Variants in KCNQ3 observed in about 807,000 individuals in gnomAD.
KCNQ3 encodes potassium voltage-gated channel subfamily KQT member 3.
In KCNQ3, 30 loss-of-function variants were observed where a neutral mutation model predicts 92.5. The ratio of observed to expected loss-of-function variants is 0.32; its 90% CI spans 0.24 to 0.44. The LOEUF (loss-of-function observed/expected upper bound fraction) is 0.44. KCNQ3 is among the 20% of genes least tolerant of loss of function. The probability of loss-of-function intolerance (pLI) is 1.00; values close to 1 mark genes in which losing one functional copy is unlikely to be tolerated. For missense variants in KCNQ3, 913 were observed against 1,140.3 expected (o/e 0.80, Z 2.87); for synonymous variants, 450 against 468.8 (o/e 0.96, Z 0.52).
chr8:132,434,040 C>G (rs1821321140), intron 1 of KCNQ3, among the ~76,000 whole-genome samples: 1 of 151,868 alleles, frequency 6.6e-6, no homozygotes, highest in African/African-American at 2.4e-5. Flanking sequence ...AACCCCGTCT[C>G]TACTAAAAAT....
chr8:132,244,147 C>G (rs983099165), intron 1 of KCNQ3, among the ~76,000 whole-genome samples: 1 of 152,168 alleles, frequency 6.6e-6, no homozygotes, highest in African/African-American at 2.4e-5. Flanking sequence ...AGTTCTGAAA[C>G]TTTATGATGA....
chr8:132,346,798 C>T (rs936248156), intron 1 of KCNQ3, among the ~76,000 whole-genome samples: 2 of 152,192 alleles, frequency 1.3e-5, no homozygotes, highest in Non-Finnish European at 2.9e-5. Context: ...TCTCACCTCA[C>T]AGCTGTTCCC....
intron 1 of KCNQ3, among the ~76,000 whole-genome samples, chr8:132,241,315 T>C (rs549495425): frequency 1.3e-4 from 20 of 152,320 alleles, no homozygotes; most frequent in African/African-American, 4.8e-4. Flanking sequence ...TTTTCATGTT[T>C]TTGAGTACAA....
intron 9 of KCNQ3, among the ~76,000 whole-genome samples, chr8:132,141,860 GA>G (rs1189676899): frequency 6.6e-6 from 1 of 152,158 alleles, no homozygotes; most frequent in Non-Finnish European, 1.5e-5. Context: ...TTTGGATGGG[GA>G]AAAATACATT....
rs532052931 is a variant in KCNQ3 at position 132,121,758 on chromosome 8, G to C, written c.*7504C>G. On this transcript the variant is annotated 3_prime_UTR_variant, in exon 15 of 15. Coordinates refer to ENST00000388996, the MANE Select transcript of KCNQ3 (RefSeq NM_004519.4). ...AAAAGACCAGAGTCAGCAGAGACGT[G>C]GAGATATTTGAACTTGTTTGGTTAA... 1.2e-4 allele frequency: 18 copies of C among 152,302 alleles called. No individual in the cohort carries two copies. The South Asian group carries it at 1.4e-3, about 12-fold the overall frequency. 9.4% of individuals were successfully genotyped at this position (152,302 alleles called of 1,614,324 possible).
chr8:132,320,025 A>G (rs528923041), intron 1 of KCNQ3, among the ~76,000 whole-genome samples: 29 of 152,346 alleles, frequency 1.9e-4, no homozygotes, highest in Non-Finnish European at 3.5e-4. Context: ...TAAAAAATGA[A>G]TAAATGCTAG....
At chr8:132,463,602 G>A (rs557110399) in intron 1 of KCNQ3, among the ~76,000 whole-genome samples, 1 of 152,282 alleles carries the variant, frequency 6.6e-6, no homozygotes, top group East Asian at 1.9e-4. Flanking sequence ...TGTGGTCTAG[G>A]CAAGTGTTTT....
At chr8:132,338,715 G>T (rs551898551) in intron 1 of KCNQ3, among the ~76,000 whole-genome samples, 19 of 152,294 alleles carry the variant, frequency 1.2e-4, no homozygotes, top group Non-Finnish European at 1.9e-4. Flanking sequence ...GTTAGCAAAT[G>T]ACCTTTCTTG....
At chr8:132,426,965 T>C (rs948607543) in intron 1 of KCNQ3, among the ~76,000 whole-genome samples, 26 of 152,134 alleles carry the variant, frequency 1.7e-4, no homozygotes, top group African/African-American at 6.3e-4. Flanking sequence ...TAGTGGACAG[T>C]AGGGCACAGA....
Position 132,360,846 on chromosome 8 carries a change from G to A in KCNQ3, c.386+119301C>T, listed in dbSNP as rs149453758. 4.7e-3 allele frequency among the ~76,000 whole-genome samples: 722 copies of A among 152,282 alleles called. 5 individuals are homozygous for A. The highest frequency in any genetic ancestry group is 0.016 in the African/African-American group (675 of 41,554). ...AACTTGATATCTTTTGGATGCTTGG[G>A]GTCCAGGCCAGTGCTTGGCACACAG... On this transcript the variant is annotated intron_variant, in intron 1 of 14. Coordinates refer to ENST00000388996, the MANE Select transcript of KCNQ3 (RefSeq NM_004519.4).
At chr8:132,349,001 T>G (rs1174184777) in intron 1 of KCNQ3, among the ~76,000 whole-genome samples, 1 of 152,218 alleles carries the variant, frequency 6.6e-6, no homozygotes, top group Non-Finnish European at 1.5e-5. Context: ...AATCTGACTC[T>G]TTCAGAAAAG....
chr8:132,229,351 C>G (rs1410309805), intron 1 of KCNQ3, among the ~76,000 whole-genome samples: 1 of 152,004 alleles, frequency 6.6e-6, no homozygotes, highest in Non-Finnish European at 1.5e-5. Flanking sequence ...GTTGATGACT[C>G]AACCAAGCCA....
chr8:132,466,727 G>T (rs1822180076), intron 1 of KCNQ3, among the ~76,000 whole-genome samples: 1 of 152,112 alleles, frequency 6.6e-6, no homozygotes, highest in South Asian at 2.1e-4. Flanking sequence ...CATTCCAGGG[G>T]GCAAAATTCG....
In KCNQ3 at chr8:132,248,462, A is replaced by T. The variant is rs1025115091; in HGVS notation, c.387-62281T>A. Among the ~76,000 whole-genome samples, 8 of 152,220 alleles carry T rather than the reference A, an allele frequency of 5.3e-5. No individual in the cohort carries two copies. The East Asian group carries it at 1.5e-3, about 29-fold the overall frequency. On this transcript the variant is annotated intron_variant, in intron 1 of 14. Coordinates refer to ENST00000388996, the MANE Select transcript of KCNQ3 (RefSeq NM_004519.4). ...CATCTCCAGTTGAAAATGAAAAGTGACTAGAGCTCTGCTTCCTTTGTATTA... is the reference window on the plus strand; with the variant it reads ...CATCTCCAGTTGAAAATGAAAAGTGTCTAGAGCTCTGCTTCCTTTGTATTA...
intron 8 of KCNQ3, among the ~76,000 whole-genome samples, chr8:132,167,364 C>T (rs1428825377): frequency 6.6e-6 from 1 of 152,122 alleles, no homozygotes; most frequent in Non-Finnish European, 1.5e-5. Flanking sequence ...GATTGATACC[C>T]CACTTTGTGA....
chr8:132,459,696 T>A (rs1012819874), intron 1 of KCNQ3, among the ~76,000 whole-genome samples: 38 of 152,150 alleles, frequency 2.5e-4, no homozygotes, highest in African/African-American at 8.4e-4. Context: ...CTTGAGGTCG[T>A]GTTTTACAGG....
chr8:132,353,318 AGGGAAGGAAG>A (rs1259204604), intron 1 of KCNQ3, among the ~76,000 whole-genome samples: 1 of 152,066 alleles, frequency 6.6e-6, no homozygotes, highest in Admixed American at 6.6e-5. Context: ...AGGGAAAGGA[AGGGAAGGAAG>A]GGGAAGGGAG....
intron 1 of KCNQ3, among the ~76,000 whole-genome samples, chr8:132,338,468 T>C (rs1034750262): frequency 6.6e-6 from 1 of 152,132 alleles, no homozygotes; most frequent in Non-Finnish European, 1.5e-5. Flanking sequence ...CCTCAGAGGG[T>C]CACAGGATAA....
chr8:132,305,792 C>T (rs955000989), intron 1 of KCNQ3, among the ~76,000 whole-genome samples: 10 of 152,078 alleles, frequency 6.6e-5, no homozygotes, highest in South Asian at 2.1e-4. Flanking sequence ...TAGCTTCTGC[C>T]GCTTCAATAT....
Sources: allele counts gnomAD v4.1 joint callset (sites outside exome capture counted in the v4.1 genomes callset), GRCh38; gene constraint gnomAD v4.1.1; transcripts MANE v1.5; gene names NCBI Gene and HGNC (gene_info 2026-07-23, HGNC 2026-07-21).